Variants in PDZRN4 observed in about 807,000 individuals in gnomAD.
PDZRN4 encodes the protein PDZ domain-containing RING finger protein 4.
In PDZRN4, 70 loss-of-function variants were observed where a neutral mutation model predicts 99.0. The ratio of observed to expected loss-of-function variants is 0.71; its 90% CI spans 0.58 to 0.86. PDZRN4 has a LOEUF of 0.86. Ranked by LOEUF, PDZRN4 falls within the 40% of genes least tolerant of loss-of-function variation. The probability of loss-of-function intolerance (pLI) is 0.00; values close to 1 mark genes in which losing one functional copy is unlikely to be tolerated. For missense variants in PDZRN4, 1,474 were observed against 1,331.2 expected, an observed-to-expected ratio of 1.11 and a Z score of -1.67; for synonymous variants, 551 against 501.6, an observed-to-expected ratio of 1.10 and a Z score of -1.32.
intron 3 of PDZRN4, among the ~76,000 whole-genome samples, chr12:41,279,278 G>T (rs1951368794): frequency 6.6e-6 from 1 of 152,102 alleles, no homozygotes. Context: ...AATTATTTAA[G>T]AACTTTCTTA....
intron 3 of PDZRN4, among the ~76,000 whole-genome samples, chr12:41,307,952 A>G (rs750630309): frequency 2.0e-5 from 3 of 152,128 alleles, no homozygotes; most frequent in Non-Finnish European, 2.9e-5. Flanking sequence ...ATGGAAGAAA[A>G]AGCAAAAACT....
intron 6 of PDZRN4, among the ~76,000 whole-genome samples, chr12:41,554,701 C>T (rs1327114383): frequency 1.3e-5 from 2 of 152,054 alleles, no homozygotes; most frequent in Non-Finnish European, 2.9e-5. Flanking sequence ...TGCTGATAAG[C>T]TCCTAATACA....
intron 1 of PDZRN4, among the ~76,000 whole-genome samples, chr12:41,190,648 C>A (rs1422553980): frequency 1.3e-5 from 2 of 152,152 alleles, no homozygotes; most frequent in Non-Finnish European, 2.9e-5. Flanking sequence ...GGGAAAATAT[C>A]TTGATGCTGA....
intron 3 of PDZRN4, among the ~76,000 whole-genome samples, chr12:41,238,160 T>C (rs1376578985): frequency 6.6e-6 from 1 of 152,098 alleles, no homozygotes; most frequent in Non-Finnish European, 1.5e-5. Context: ...CAGTGGTTTG[T>C]AGTTCTCTTT....
At chr12:41,384,881 C>T (rs2121108003) in intron 3 of PDZRN4, among the ~76,000 whole-genome samples, 1 of 152,290 alleles carries the variant, frequency 6.6e-6, no homozygotes, top group African/African-American at 2.4e-5. Flanking sequence ...ATGCTAAACA[C>T]TTGGAATCCT....
At chr12:41,452,459 A>AAGAT in intron 3 of PDZRN4, among the ~76,000 whole-genome samples, 1 of 151,468 alleles carries the variant, frequency 6.6e-6, no homozygotes, top group Admixed American at 6.6e-5. Flanking sequence ...AAAAGAAAGA[A>AAGAT]AGAAAAATTA....
chr12:41,222,844 C>G (rs1455185267), intron 3 of PDZRN4, among the ~76,000 whole-genome samples: 1 of 152,104 alleles, frequency 6.6e-6, no homozygotes, highest in Admixed American at 6.6e-5. Flanking sequence ...TTATTTATAG[C>G]TCTATAGAAC....
At position 41,572,582 on chromosome 12, in the gene PDZRN4, G is replaced by A. The variant is rs748900322; in HGVS notation, c.1803G>A (p.Gln601=). The change falls in exon 10 of 10, where the codon CAG becomes CAA. Residue 601 remains glutamine, a synonymous_variant. Transcript: ENST00000402685. ...SQDTLGSVEL[Q]YNESLVSGEY... is the part of the protein sequence containing the mutation. ...ACACTCTGGGAAGTGTTGAACTTCA[G>A]TACAATGAGAGCCTCGTATCTGGTG... 5 of 1,614,044 alleles carry A rather than the reference G, an allele frequency of 3.1e-6. No individual in the cohort carries two copies. In the East Asian group the frequency reaches 8.9e-5, roughly 29 times the overall value.
intron 3 of PDZRN4, among the ~76,000 whole-genome samples, chr12:41,317,743 G>A (rs1323729568): frequency 3.9e-5 from 6 of 151,974 alleles, no homozygotes; most frequent in African/African-American, 1.2e-4. Context: ...TGACACTTTT[G>A]GACAGTTATA....
At chr12:41,270,289 G>C (rs1190942489) in intron 3 of PDZRN4, among the ~76,000 whole-genome samples, 61 of 149,460 alleles carry the variant, frequency 4.1e-4, no homozygotes, top group African/African-American at 1.5e-3. Context: ...TGTGTGTGGT[G>C]TGTGTGTGTG....
chr12:41,478,219 G>A (rs1173402438), intron 3 of PDZRN4, among the ~76,000 whole-genome samples: 5 of 152,022 alleles, frequency 3.3e-5, no homozygotes, highest in African/African-American at 1.2e-4. Context: ...AGGTTCAAGC[G>A]ATTCTCGTGC....
intron 5 of PDZRN4, among the ~76,000 whole-genome samples, chr12:41,529,046 C>T (rs1938617000): frequency 6.6e-6 from 1 of 152,096 alleles, no homozygotes; most frequent in Non-Finnish European, 1.5e-5. Context: ...CCACTTTTTC[C>T]TCTCCATTGC....
intron 3 of PDZRN4, among the ~76,000 whole-genome samples, chr12:41,225,702 G>A (rs1238292912): frequency 1.3e-5 from 2 of 152,096 alleles, no homozygotes; most frequent in African/African-American, 4.8e-5. Context: ...GGGGGATCTA[G>A]AAACTTTATC....
At chr12:41,364,238 G>A (rs17129287) in intron 3 of PDZRN4, among the ~76,000 whole-genome samples, 10,086 of 152,034 alleles carry the variant, frequency 0.066, 838 homozygotes, top group East Asian at 0.18. Context: ...CTTTTTAAAT[G>A]TACCCTTCCC....
chr12:41,509,785 C>T, intron 4 of PDZRN4, 26 bp from the exon 5 acceptor site: 1 of 1,067,262 alleles, frequency 9.4e-7, no homozygotes, highest in Non-Finnish European at 1.4e-6. Context: ...TAATCTATTC[C>T]TATCATATTG....
intron 3 of PDZRN4, among the ~76,000 whole-genome samples, chr12:41,396,790 T>A (rs1173662422): frequency 2.0e-5 from 3 of 152,206 alleles, no homozygotes; most frequent in Non-Finnish European, 4.4e-5. Context: ...AAAGACTTTT[T>A]GATTTCTTCA....
At chr12:41,362,488 A>G (rs1351050075) in intron 3 of PDZRN4, among the ~76,000 whole-genome samples, 2 of 152,044 alleles carry the variant, frequency 1.3e-5, no homozygotes, top group African/African-American at 2.4e-5. Flanking sequence ...GCTACATAAG[A>G]TGGAGGCTAT....
chr12:41,393,169 G>C (rs1952221801), intron 3 of PDZRN4, among the ~76,000 whole-genome samples: 1 of 152,140 alleles, frequency 6.6e-6, no homozygotes, highest in African/African-American at 2.4e-5. Flanking sequence ...TGAGTATTTA[G>C]AAGTAGTACT....
At chr12:41,557,084 G>C (rs12809319) in intron 7 of PDZRN4, among the ~76,000 whole-genome samples, 22,844 of 146,498 alleles carry the variant, frequency 0.16, 1,995 homozygotes, top group Middle Eastern at 0.26. Flanking sequence ...CCGGGAGACA[G>C]AGGTTGCAGT....
Sources: gnomAD v4.1 joint callset for allele counts (sites outside exome capture counted in the v4.1 genomes callset) on GRCh38, gnomAD v4.1.1 for gene constraint, MANE v1.5 for transcripts, NCBI Gene and HGNC (gene_info 2026-07-23, HGNC 2026-07-21) for gene names.